Variants in RHBDD1 observed in about 807,000 individuals in gnomAD.
The protein encoded by RHBDD1 is rhomboid-related protein 4.
Under a neutral mutation model 36.3 loss-of-function variants are expected in RHBDD1, and 38 were observed. The ratio of observed to expected loss-of-function variants is 1.05; its 90% CI spans 0.81 to 1.37. The LOEUF (loss-of-function observed/expected upper bound fraction) is 1.37, where lower values mean the gene tolerates loss of function less well. Among genes scored for constraint, RHBDD1 ranks in the 40% most tolerant of loss-of-function variants. The pLI is 0.00. For missense variants in RHBDD1, 393 were observed against 377.6 expected, an observed-to-expected ratio of 1.04 and a Z score of -0.34; for synonymous variants, 151 against 136.5, an observed-to-expected ratio of 1.11 and a Z score of -0.74.
the RHBDD1 span, among the ~76,000 whole-genome samples, chr2:226,801,397 G>T: frequency 6.6e-6 from 1 of 152,176 alleles, no homozygotes; most frequent in East Asian, 1.9e-4. Flanking sequence ...AGAAGATGAT[G>T]ATGATGAAGG....
intron 3 of RHBDD1, among the ~76,000 whole-genome samples, chr2:226,856,005 GA>G (rs1430893779): frequency 1.3e-5 from 2 of 151,940 alleles, no homozygotes; most frequent in Non-Finnish European, 2.9e-5. Context: ...TAGATAGCCG[GA>G]AAAAAATGTC....
At position 226,899,083 on chromosome 2, in the gene RHBDD1, C is replaced by T. The variant is rs145906812; in HGVS notation, c.567-7710C>T. On this transcript the variant is annotated intron_variant, in intron 5 of 8. Coordinates refer to ENST00000392062, the MANE Select transcript of RHBDD1 (RefSeq NM_001167608.3). ...AGAGGAGGGCCTTTATAGCTTGTCA[C>T]AGCTTTCAGTCACAGATCCAGTTTT... Among the ~76,000 whole-genome samples, 57 of 152,328 alleles carry T rather than the reference C, an allele frequency of 3.7e-4. No individual in the cohort carries two copies. In the East Asian group the frequency reaches 9.3e-3, roughly 25 times the overall value.
At chr2:226,915,784 A>G (rs532752745) in intron 8 of RHBDD1, among the ~76,000 whole-genome samples, 2 of 152,244 alleles carry the variant, frequency 1.3e-5, no homozygotes, top group Non-Finnish European at 2.9e-5. Context: ...TGTATTTCTC[A>G]GGTGAAGAGT....
intron 1 of RHBDD1, among the ~76,000 whole-genome samples, chr2:226,836,775 C>G (rs763131950): frequency 6.6e-6 from 1 of 152,148 alleles, no homozygotes; most frequent in Non-Finnish European, 1.5e-5. Flanking sequence ...TTTCTTTTTT[C>G]TCTTTGAAAT....
intron 8 of RHBDD1, among the ~76,000 whole-genome samples, chr2:226,940,524 A>G (rs1950597248): frequency 6.6e-6 from 1 of 152,018 alleles, no homozygotes; most frequent in Non-Finnish European, 1.5e-5. Flanking sequence ...TGCTTAATTT[A>G]TTTGCTTGTG....
At chr2:226,919,913 T>C (rs1406042436) in intron 8 of RHBDD1, among the ~76,000 whole-genome samples, 2 of 152,062 alleles carry the variant, frequency 1.3e-5, no homozygotes, top group Non-Finnish European at 2.9e-5. Context: ...TTGCTTTGGG[T>C]AGTATGGACA....
chr2:226,883,084 G>A (rs1945905829), intron 5 of RHBDD1, among the ~76,000 whole-genome samples: 1 of 151,658 alleles, frequency 6.6e-6, no homozygotes, highest in Non-Finnish European at 1.5e-5. Flanking sequence ...ATTTTGAGAG[G>A]ACACAGTTTG....
At chr2:226,973,369 G>A (rs977545495) in intron 8 of RHBDD1, among the ~76,000 whole-genome samples, 4 of 152,216 alleles carry the variant, frequency 2.6e-5, no homozygotes, top group Non-Finnish European at 4.4e-5. Flanking sequence ...CAAGAAGTGG[G>A]TGCCTGGGGG....
the RHBDD1 span, among the ~76,000 whole-genome samples, chr2:226,818,610 G>A: frequency 2.4e-4 from 36 of 151,942 alleles, no homozygotes; most frequent in African/African-American, 8.7e-4. Context: ...GGAGGCCGAG[G>A]TGGGTGGATC....
chr2:226,831,811 G>A (rs1940748134), upstream of RHBDD1, among the ~76,000 whole-genome samples: 1 of 151,636 alleles, frequency 6.6e-6, no homozygotes, highest in Non-Finnish European at 1.5e-5. Context: ...CAATTCATCT[G>A]CATTGTCTAA....
chr2:226,887,045 A>G (rs1324505824), intron 5 of RHBDD1, among the ~76,000 whole-genome samples: 2 of 152,174 alleles, frequency 1.3e-5, no homozygotes, highest in Non-Finnish European at 2.9e-5. Context: ...ATTAGAAAAA[A>G]TACTTAAAAC....
chr2:226,880,435 C>T (rs1180800880), intron 5 of RHBDD1, among the ~76,000 whole-genome samples: 1 of 152,172 alleles, frequency 6.6e-6, no homozygotes, highest in Non-Finnish European at 1.5e-5. Context: ...GAGCAGAACT[C>T]AAGGTGAGAG....
intron 8 of RHBDD1, among the ~76,000 whole-genome samples, chr2:226,980,972 TTAATTC>T (rs1247738725): frequency 1.3e-5 from 2 of 152,184 alleles, no homozygotes; most frequent in African/African-American, 4.8e-5. Context: ...ATTTCTGAGT[TTAATTC>T]TAGTTCAGTT....
chr2:226,909,325 AG>A (rs1948345500), intron 7 of RHBDD1, among the ~76,000 whole-genome samples: 2 of 152,296 alleles, frequency 1.3e-5, no homozygotes, highest in South Asian at 2.1e-4. Context: ...TGACTTAATG[AG>A]GAAGAATGTA....
intron 8 of RHBDD1, among the ~76,000 whole-genome samples, chr2:226,935,005 C>T (rs1950249551): frequency 6.6e-6 from 1 of 151,966 alleles, no homozygotes; most frequent in Non-Finnish European, 1.5e-5. Context: ...GTAACTTGTG[C>T]TTCTTTTCTT....
chr2:226,890,855 A>G (rs1946622217), intron 5 of RHBDD1, among the ~76,000 whole-genome samples: 1 of 152,150 alleles, frequency 6.6e-6, no homozygotes, highest in Non-Finnish European at 1.5e-5. Flanking sequence ...ACCCAGCTCA[A>G]GCAAACCTGA....
intron 8 of RHBDD1, among the ~76,000 whole-genome samples, chr2:226,932,234 A>G (rs1950071015): frequency 1.3e-5 from 2 of 152,116 alleles, no homozygotes; most frequent in Admixed American, 1.3e-4. Context: ...GTTGTGCTGT[A>G]TTACACTTCA....
chr2:226,805,464 T>C, the RHBDD1 span, among the ~76,000 whole-genome samples: 7,451 of 152,250 alleles, frequency 0.049, 289 homozygotes, highest in Non-Finnish European at 0.072. Flanking sequence ...CCACCCGCCT[T>C]GGCCTCCCAA....
At chr2:226,876,893 G>A (rs1195300649) in intron 5 of RHBDD1, among the ~76,000 whole-genome samples, 2 of 152,064 alleles carry the variant, frequency 1.3e-5, no homozygotes, top group Admixed American at 6.6e-5. Context: ...AATTAATGTA[G>A]TTTTCAAACA....
Sources: gnomAD v4.1 joint callset for allele counts (sites outside exome capture counted in the v4.1 genomes callset) on GRCh38, gnomAD v4.1.1 for gene constraint, MANE v1.5 for transcripts, NCBI Gene and HGNC (gene_info 2026-07-23, HGNC 2026-07-21) for gene names.